Variants in PKP1 observed in about 807,000 individuals in gnomAD.
PKP1 encodes the protein plakophilin-1.
In PKP1, 27 loss-of-function variants were observed where a neutral mutation model predicts 76.4. That is an observed-to-expected ratio of 0.35 (90% CI 0.26 to 0.49). PKP1 has a LOEUF of 0.49. Among genes scored for constraint, PKP1 ranks in the 20% least tolerant of loss-of-function variants. PKP1 has a pLI of 0.99. For synonymous variants in PKP1, 404 were observed against 384.2 expected (o/e 1.05, Z -0.60); for missense variants, 964 against 955.2 (o/e 1.01, Z -0.12).
intron 8 of PKP1, 27 bp from the exon 9 acceptor site, chr1:201,322,986 C>T: frequency 1.2e-6 from 2 of 1,609,796 alleles, no homozygotes; most frequent in Non-Finnish European, 1.7e-6. Context: ...TCCCCATTGA[C>T]CCCCCTGACC....
intron 12 of PKP1, among the ~76,000 whole-genome samples, chr1:201,326,318 G>A (rs1657126392): frequency 6.6e-6 from 1 of 152,238 alleles, no homozygotes; most frequent in Admixed American, 6.5e-5. Context: ...CTCACCCTGT[G>A]AGCAAGGCAG....
intron 2 of PKP1, among the ~76,000 whole-genome samples, chr1:201,311,329 T>A (rs1007916860): frequency 6.6e-5 from 10 of 152,192 alleles, no homozygotes; most frequent in Non-Finnish European, 1.5e-4. Flanking sequence ...TGATTGTCCA[T>A]CTATGCCTCT....
At chr1:201,309,614 A>T (rs1656474010) in intron 2 of PKP1, among the ~76,000 whole-genome samples, 1 of 151,970 alleles carries the variant, frequency 6.6e-6, no homozygotes, top group Non-Finnish European at 1.5e-5. Flanking sequence ...CTGCCAGCAG[A>T]TTGCTATCTG....
chr1:201,306,154 A>G (rs1024128253), intron 2 of PKP1, among the ~76,000 whole-genome samples: 1 of 152,348 alleles, frequency 6.6e-6, no homozygotes, highest in African/African-American at 2.4e-5. Flanking sequence ...CAGAGCTGAG[A>G]AAAACCTATT....
At chr1:201,303,827 T>G (rs1246212212) in intron 2 of PKP1, among the ~76,000 whole-genome samples, 1 of 152,130 alleles carries the variant, frequency 6.6e-6, no homozygotes, top group African/African-American at 2.4e-5. Context: ...TTGGGGGAGA[T>G]TCCGGGTCAT....
chr1:201,311,900 C>A (rs1339183589), intron 2 of PKP1, among the ~76,000 whole-genome samples: 1 of 152,270 alleles, frequency 6.6e-6, no homozygotes, highest in Non-Finnish European at 1.5e-5. Flanking sequence ...CCTCCTCGGA[C>A]AGTTCTGTTC....
At chr1:201,307,380 G>C (rs985307582) in intron 2 of PKP1, among the ~76,000 whole-genome samples, 1 of 152,218 alleles carries the variant, frequency 6.6e-6, no homozygotes, top group African/African-American at 2.4e-5. Flanking sequence ...AGGTCAGGAG[G>C]CAGGGATCGA....
chr1:201,295,019 TCTTTTGTAAGGCC>T (rs1464463373), intron 2 of PKP1, among the ~76,000 whole-genome samples: 1 of 152,126 alleles, frequency 6.6e-6, no homozygotes, highest in African/African-American at 2.4e-5. Context: ...TCTTGGGAAT[TCTTTTGTAAGGCC>T]CTCAAGACAT....
At chr1:201,307,244 T>C (rs1314576888) in intron 2 of PKP1, among the ~76,000 whole-genome samples, 1 of 152,204 alleles carries the variant, frequency 6.6e-6, no homozygotes, top group Non-Finnish European at 1.5e-5. Context: ...GGGATTGCTC[T>C]GTGTCCAGGC....
At chr1:201,310,857 C>T (rs1412661041) in intron 2 of PKP1, among the ~76,000 whole-genome samples, 4 of 152,170 alleles carry the variant, frequency 2.6e-5, no homozygotes, top group Admixed American at 6.5e-5. Flanking sequence ...CCACCTTGCC[C>T]GCTCCCCTGC....
Position 201,313,472 on chromosome 1 carries a change from T to A in PKP1, c.613T>A (p.Ser205Thr). ...AAAGAAGTGCCCTGTGCGCCCGCCC[T>A]CTTGTGCCTCCAAGCAGGACCCTGT... is the stretch of plus-strand genomic sequence containing the variant. ...AIKKCPVRPP[S>T]CASKQDPVYI... The change falls in exon 3 of 14, where the codon TCT becomes ACT. Residue 205 changes from serine (S) to threonine (T), a missense_variant. By Grantham distance (58) the Ser-to-Thr change is moderately conservative. Transcript: ENST00000367324. 1 of 1,613,238 alleles carries A rather than the reference T, an allele frequency of 6.2e-7. No individual in the cohort carries two copies.
chr1:201,287,923 A>G (rs1655784555), intron 1 of PKP1, among the ~76,000 whole-genome samples: 1 of 152,252 alleles, frequency 6.6e-6, no homozygotes, highest in South Asian at 2.1e-4. Flanking sequence ...TTCTAGGCAT[A>G]CGCTGGACAC....
At position 201,322,085 on chromosome 1, in the gene PKP1, C is replaced by A. The variant is rs780772450; in HGVS notation, c.1455C>A (p.Thr485=). The change falls in exon 8 of 14, where the codon ACC becomes ACA. Residue 485 remains threonine (T), a synonymous_variant. Coordinates refer to ENST00000367324, the MANE Select transcript of PKP1 (RefSeq NM_001005337.3). ...QLEYNARNAY[T]EKSSTGCFSN... ...AGTATAACGCCCGCAACGCCTACACCGAGAAGTCCTCCACTGGCTGCTTCA... is the reference window on the plus strand; with the variant it reads ...AGTATAACGCCCGCAACGCCTACACAGAGAAGTCCTCCACTGGCTGCTTCA... 1.1e-5 allele frequency: 18 copies of A among 1,613,120 alleles called. No homozygotes were observed. Among genetic ancestry groups the A allele is most frequent in the Non-Finnish European group, 1.5e-5 (18 of 1,180,020 alleles).
intron 2 of PKP1, among the ~76,000 whole-genome samples, chr1:201,297,926 G>C (rs1656121472): frequency 6.6e-6 from 1 of 152,136 alleles, no homozygotes; most frequent in Non-Finnish European, 1.5e-5. Context: ...AGGGTTACCA[G>C]ATAAAATACA....
intron 13 of PKP1, among the ~76,000 whole-genome samples, chr1:201,329,228 G>A (rs1035487309): frequency 3.2e-4 from 48 of 152,120 alleles, no homozygotes; most frequent in African/African-American, 1.0e-3. Flanking sequence ...TTCTGGGCTT[G>A]GCCATACACA....
chr1:201,293,232 C>A (rs978318886), intron 1 of PKP1, among the ~76,000 whole-genome samples: 9 of 152,180 alleles, frequency 5.9e-5, no homozygotes, highest in African/African-American at 1.9e-4. Flanking sequence ...GGTGGCCCCA[C>A]TAGGAGCCCC....
At position 201,287,124 on chromosome 1, in the gene PKP1, T is replaced by C. The variant is rs150348855; in HGVS notation, c.202+3220T>C. Among the ~76,000 whole-genome samples, 343 of 152,306 alleles carry C rather than the reference T, an allele frequency of 2.3e-3. 3 individuals carry two copies. The highest frequency in any genetic ancestry group is 7.7e-3 in the African/African-American group (321 of 41,564). The stretch of plus-strand genomic sequence containing the variant: ...CATCTGTGATTTTTTATTTCAGCCT[T>C]TGGCCTGAAATTCTCTTTCTCCCTT... On this transcript the variant is annotated intron_variant, in intron 1 of 13. Transcript: ENST00000367324.
chr1:201,324,176 G>C (rs886778340), intron 9 of PKP1, among the ~76,000 whole-genome samples: 1 of 152,186 alleles, frequency 6.6e-6, no homozygotes, highest in African/African-American at 2.4e-5. Flanking sequence ...GTCACTATGA[G>C]TAGGGGAAAT....
intron 2 of PKP1, among the ~76,000 whole-genome samples, chr1:201,300,150 A>AG (rs561320256): frequency 6.9e-4 from 105 of 152,370 alleles, no homozygotes; most frequent in African/African-American, 2.5e-3. Context: ...CTACTTGCCA[A>AG]GGGACAGAAT....
Sources: gnomAD v4.1 joint callset for allele counts (sites outside exome capture counted in the v4.1 genomes callset) on GRCh38, gnomAD v4.1.1 for gene constraint, MANE v1.5 for transcripts, NCBI Gene and HGNC (gene_info 2026-07-23, HGNC 2026-07-21) for gene names.